ERICH5: variants seen among roughly 807,000 people sequenced by gnomAD.
The protein encoded by ERICH5 is glutamate rich 5.
A neutral mutation model predicts 28.0 loss-of-function variants in ERICH5; 24 were observed. The ratio of observed to expected loss-of-function variants is 0.86; its 90% CI spans 0.62 to 1.21. ERICH5 has a LOEUF of 1.21. Ranked by LOEUF, ERICH5 falls within the 50% of genes most tolerant of loss-of-function variation. The pLI is 0.00. For synonymous variants in ERICH5, 163 were observed against 157.6 expected, an observed-to-expected ratio of 1.03 and a Z score of -0.25; for missense variants, 421 against 441.2, an observed-to-expected ratio of 0.95 and a Z score of 0.41.
intron 1 of ERICH5, among the ~76,000 whole-genome samples, chr8:98,084,041 C>T (rs1815228227): frequency 6.9e-6 from 1 of 145,326 alleles, no homozygotes; most frequent in African/African-American, 2.5e-5. Flanking sequence ...CCACCATGCC[C>T]AGCTAATTTT....
chr8:98,091,842 TTCTTTCTTTC>T (rs1245372659), intron 2 of ERICH5, among the ~76,000 whole-genome samples: 5 of 66,356 alleles, frequency 7.5e-5, no homozygotes, highest in African/African-American at 1.7e-4. Flanking sequence ...TTCTTTTTCT[TTCTTTCTTTC>T]TTTCTTTCTT....
At chr8:98,091,901 CT>C (rs1563759589) in intron 2 of ERICH5, among the ~76,000 whole-genome samples, 146 of 7,998 alleles carry the variant, frequency 0.018, 3 homozygotes, top group African/African-American at 0.047. Flanking sequence ...TCTTTCTTTC[CT>C]TTCTTTCTTT....
At chr8:98,091,988 C>CCCCT in intron 2 of ERICH5, among the ~76,000 whole-genome samples, 2 of 5,276 alleles carry the variant, frequency 3.8e-4, no homozygotes, top group Non-Finnish European at 6.0e-4. Context: ...TTCTCTCTCT[C>CCCCT]TCTCCCCTTC....
At chr8:98,072,861 T>G (rs936161352) in intron 1 of ERICH5, among the ~76,000 whole-genome samples, 4 of 152,188 alleles carry the variant, frequency 2.6e-5, no homozygotes, top group African/African-American at 9.6e-5. Flanking sequence ...TCTTTTATTT[T>G]TTTTCTGTAA....
intron 1 of ERICH5, among the ~76,000 whole-genome samples, chr8:98,078,306 A>G (rs1000789557): frequency 6.6e-6 from 1 of 152,198 alleles, no homozygotes; most frequent in African/African-American, 2.4e-5. Flanking sequence ...ATGAGAAGGA[A>G]GATGAGTGGA....
In ERICH5 at chr8:98,067,551, T is replaced by C. The variant is rs563246179; in HGVS notation, c.58+2824T>C. Among the ~76,000 whole-genome samples the C allele has an allele frequency of 2.6e-5, 4 of 152,018 alleles. No homozygotes were observed. The East Asian group carries it at 7.7e-4, about 29-fold the overall frequency. ...CAGATCACTCTGGATCCCCATTAGG[T>C]GTGTGGTCACCCACTATCTAAAAAC... On this transcript the variant is annotated intron_variant, in intron 1 of 2. Coordinates refer to ENST00000318528, the MANE Select transcript of ERICH5 (RefSeq NM_173549.3).
chr8:98,067,857 G>A (rs924179670), intron 1 of ERICH5, among the ~76,000 whole-genome samples: 2 of 152,000 alleles, frequency 1.3e-5, no homozygotes, highest in East Asian at 3.9e-4. Context: ...ACCCGCCTCA[G>A]CCTCCCAAAG....
chr8:98,074,950 C>T (rs1404799913), intron 1 of ERICH5, among the ~76,000 whole-genome samples: 2 of 152,284 alleles, frequency 1.3e-5, no homozygotes, highest in Middle Eastern at 6.8e-3. Context: ...TTCAGCTCCC[C>T]TTGGCTAAGA....
intron 1 of ERICH5, among the ~76,000 whole-genome samples, chr8:98,082,523 TAGTCCC>T (rs978161653): frequency 1.9e-4 from 29 of 151,984 alleles, no homozygotes; most frequent in Admixed American, 5.9e-4. Context: ...CGCATGCCTA[TAGTCCC>T]AGCTACTCAG....
In ERICH5 at chr8:98,064,617, G is replaced by A. The variant is rs943842711; in HGVS notation, c.-53G>A. On this transcript the variant is annotated 5_prime_UTR_variant, in exon 1 of 3. Transcript: ENST00000318528. ...ACGGGTGCAGTTGCCTTCGGTTCCC[G>A]GTTCCGGGCCGACACCCGCGCAGGG... 1.4e-6 allele frequency: 2 copies of A among 1,442,198 alleles called. No homozygotes were observed. Among genetic ancestry groups the A allele is most frequent in the Non-Finnish European group, 1.8e-6 (2 of 1,081,804 alleles). 89.3% of individuals were successfully genotyped at this position (1,442,198 alleles called of 1,614,324 possible).
chr8:98,091,852 C>CTTTCTT (rs1478267998), intron 2 of ERICH5, among the ~76,000 whole-genome samples: 1 of 84,310 alleles, frequency 1.2e-5, no homozygotes, highest in African/African-American at 4.5e-5. Flanking sequence ...TTCTTTCTTT[C>CTTTCTT]TTTCTTTCTT....
rs1296474631 is a variant in ERICH5, at chr8:98,073,528, A to C, written c.58+8801A>C. Among the ~76,000 whole-genome samples the C allele has an allele frequency of 8.8e-3, 222 of 25,368 alleles. 22 individuals are homozygous for C. The highest frequency in any genetic ancestry group is 0.035 in the African/African-American group (181 of 5,244). The allele number at this position is 25,368 out of a possible 152,430, so 16.6% of individuals were successfully genotyped here. ...TATATATATATATGTATATATATATATATATATATATATATATAATTTTTT... is the reference window on the plus strand; with the variant it reads ...TATATATATATATGTATATATATATCTATATATATATATATATAATTTTTT... On this transcript the variant is annotated intron_variant, in intron 1 of 2. Transcript: ENST00000318528.
intron 1 of ERICH5, among the ~76,000 whole-genome samples, chr8:98,070,660 C>CAAA (rs769042472): frequency 4.1e-3 from 158 of 38,584 alleles, no homozygotes; most frequent in Non-Finnish European, 5.8e-3. Flanking sequence ...AACTGCATCT[C>CAAA]AAAAAAAAAA....
chr8:98,065,334 T>C (rs1814801622), intron 1 of ERICH5, among the ~76,000 whole-genome samples: 1 of 152,196 alleles, frequency 6.6e-6, no homozygotes, highest in African/African-American at 2.4e-5. Flanking sequence ...ATTCACTCCA[T>C]CAAATGGGTC....
At chr8:98,082,436 G>A (rs559622598) in intron 1 of ERICH5, among the ~76,000 whole-genome samples, 179 of 152,068 alleles carry the variant, frequency 1.2e-3, no homozygotes, top group African/African-American at 4.2e-3. Context: ...ACCTGAGGTC[G>A]GGAGTTCGAG....
At chr8:98,093,146 G>T in intron 2 of ERICH5, 75 bp from the exon 3 acceptor site, 1 of 1,029,698 alleles carries the variant, frequency 9.7e-7, no homozygotes, top group Non-Finnish European at 1.5e-6. Context: ...TGCCCCCATT[G>T]GAGACAAACT....
chr8:98,079,043 C>G (rs1815116313), intron 1 of ERICH5, among the ~76,000 whole-genome samples: 1 of 151,756 alleles, frequency 6.6e-6, no homozygotes, highest in South Asian at 2.1e-4. Flanking sequence ...TATAGAAATA[C>G]TTGGGTAAGA....
chr8:98,092,111 G>A (rs534435476), intron 2 of ERICH5, among the ~76,000 whole-genome samples: 10 of 149,970 alleles, frequency 6.7e-5, no homozygotes, highest in African/African-American at 2.5e-4. Context: ...GGATCCTCTT[G>A]CCCCAGCTCT....
chr8:98,091,133 T>G (rs1815375446), intron 2 of ERICH5, among the ~76,000 whole-genome samples: 1 of 152,150 alleles, frequency 6.6e-6, no homozygotes, highest in East Asian at 1.9e-4. Context: ...AGACGGGGTT[T>G]CACCACATTG....
Sources: gnomAD v4.1 joint callset for allele counts (sites outside exome capture counted in the v4.1 genomes callset) on GRCh38, gnomAD v4.1.1 for gene constraint, MANE v1.5 for transcripts, NCBI Gene and HGNC (gene_info 2026-07-23, HGNC 2026-07-21) for gene names.